The following PTPN3 variants were observed in gnomAD, a reference collection of about 807,000 sequenced individuals.
PTPN3 encodes the protein tyrosine-protein phosphatase non-receptor type 3.
Under a neutral mutation model 132.7 loss-of-function variants are expected in PTPN3, and 96 were observed. The observed-to-expected ratio is 0.72, with a 90% CI of 0.61 to 0.86. The LOEUF (loss-of-function observed/expected upper bound fraction) is 0.86, where lower values mean the gene tolerates loss of function less well. Among genes scored for constraint, PTPN3 ranks in the 40% least tolerant of loss-of-function variants. The pLI is 0.00. For synonymous variants in PTPN3, 398 were observed against 429.0 expected (o/e 0.93, Z 0.89); for missense variants, 1,125 against 1,159.6 (o/e 0.97, Z 0.43).
intron 1 of PTPN3, among the ~76,000 whole-genome samples, chr9:109,469,534 G>A (rs762895371): frequency 1.3e-5 from 2 of 152,102 alleles, no homozygotes; most frequent in African/African-American, 2.4e-5. Flanking sequence ...CAGGAAAATC[G>A]CTCGAACCCG....
chr9:109,525,030 G>A, the PTPN3 span, among the ~76,000 whole-genome samples: 1 of 152,112 alleles, frequency 6.6e-6, no homozygotes, highest in East Asian at 1.9e-4. Context: ...ACAGGTGTGA[G>A]CCACCTTGCC....
the PTPN3 span, among the ~76,000 whole-genome samples, chr9:109,508,061 TGGTTAA>T: frequency 6.6e-6 from 1 of 152,136 alleles, no homozygotes; most frequent in Non-Finnish European, 1.5e-5. Flanking sequence ...GTTGAAATCC[TGGTTAA>T]GGTCCATCTC....
the PTPN3 span, among the ~76,000 whole-genome samples, chr9:109,524,778 C>T: frequency 6.6e-6 from 1 of 152,120 alleles, no homozygotes; most frequent in African/African-American, 2.4e-5. Context: ...CGCTCTGTCG[C>T]CCAGTCTGGA....
intron 22 of PTPN3, among the ~76,000 whole-genome samples, chr9:109,387,904 T>C (rs935768759): frequency 6.6e-6 from 1 of 152,044 alleles, no homozygotes; most frequent in Non-Finnish European, 1.5e-5. Flanking sequence ...AAGAAAAACA[T>C]TTTGGGTGGG....
intron 1 of PTPN3, among the ~76,000 whole-genome samples, chr9:109,494,648 G>A (rs543760244): frequency 8.5e-5 from 13 of 152,214 alleles, no homozygotes; most frequent in Admixed American, 4.6e-4. Flanking sequence ...GATGCCCATC[G>A]GAATGAATGG....
the PTPN3 span, among the ~76,000 whole-genome samples, chr9:109,520,858 T>A: frequency 6.6e-6 from 1 of 152,172 alleles, no homozygotes; most frequent in Non-Finnish European, 1.5e-5. Flanking sequence ...ACAATTTCAA[T>A]TATTTTCTTA....
intron 2 of PTPN3, among the ~76,000 whole-genome samples, chr9:109,462,556 G>T (rs188712153): frequency 1.3e-5 from 2 of 152,224 alleles, no homozygotes; most frequent in African/African-American, 4.8e-5. Context: ...ATCCTGTTAG[G>T]ACTGGCCAGA....
intron 1 of PTPN3, among the ~76,000 whole-genome samples, chr9:109,489,904 G>A (rs1196209920): frequency 1.3e-5 from 2 of 152,042 alleles, no homozygotes; most frequent in African/African-American, 2.4e-5. Context: ...CATCCAGGCC[G>A]GGTGGGGTGG....
intron 22 of PTPN3, among the ~76,000 whole-genome samples, chr9:109,388,945 G>T (rs902877208): frequency 6.6e-6 from 1 of 152,202 alleles, no homozygotes; most frequent in Non-Finnish European, 1.5e-5. Context: ...ACCAGCACTT[G>T]TCCTGAATGG....
At chr9:109,390,375 T>G (rs1358842170) in intron 21 of PTPN3, among the ~76,000 whole-genome samples, 2 of 152,206 alleles carry the variant, frequency 1.3e-5, no homozygotes, top group Non-Finnish European at 2.9e-5. Context: ...CCTTGCAAAC[T>G]AAGAGCGGCT....
intron 1 of PTPN3, among the ~76,000 whole-genome samples, chr9:109,488,935 C>A (rs1000799326): frequency 6.6e-6 from 1 of 152,164 alleles, no homozygotes; most frequent in African/African-American, 2.4e-5. Context: ...TGCTTCCCTG[C>A]CTTTGCCAAA....
chr9:109,456,772 C>T (rs58832856), intron 4 of PTPN3, among the ~76,000 whole-genome samples: 50,083 of 151,806 alleles, frequency 0.33, 9,008 homozygotes, highest in African/African-American at 0.45. Context: ...ACTTATGGTT[C>T]GGTTTTCCGT....
the PTPN3 span, among the ~76,000 whole-genome samples, chr9:109,529,356 G>A: frequency 6.6e-6 from 1 of 152,224 alleles, no homozygotes; most frequent in Non-Finnish European, 1.5e-5. Context: ...CTGGGGCACA[G>A]CAATCTGTGC....
chr9:109,391,930 GAA>G (rs1275387779), intron 19 of PTPN3, among the ~76,000 whole-genome samples: 2 of 144,096 alleles, frequency 1.4e-5, no homozygotes, highest in Non-Finnish European at 3.0e-5. Context: ...AATTAGTCTA[GAA>G]TCATTTCCCT....
chr9:109,451,701 C>T (rs1845257364), intron 5 of PTPN3, among the ~76,000 whole-genome samples: 1 of 152,204 alleles, frequency 6.6e-6, no homozygotes, highest in African/African-American at 2.4e-5. Context: ...GGCTTCTCTT[C>T]CACAGCGTAT....
intron 1 of PTPN3, among the ~76,000 whole-genome samples, chr9:109,477,161 G>A (rs556654321): frequency 6.6e-6 from 1 of 152,170 alleles, no homozygotes; most frequent in Non-Finnish European, 1.5e-5. Context: ...CGAATTACAG[G>A]TGATTCACTG....
intron 25 of PTPN3, 90 bp from the exon 26 acceptor site, chr9:109,379,723 TAA>T: frequency 8.9e-7 from 1 of 1,124,804 alleles, no homozygotes; most frequent in Non-Finnish European, 1.3e-6. Flanking sequence ...GCAGCATTTG[TAA>T]ATATTCCCTG....
the PTPN3 span, among the ~76,000 whole-genome samples, chr9:109,526,161 A>T: frequency 6.6e-6 from 1 of 152,326 alleles, no homozygotes; most frequent in Middle Eastern, 3.4e-3. Context: ...CTAATGAAAG[A>T]TTTCAAAGAC....
rs1164636091 is a variant in PTPN3 at position 109,377,116 on chromosome 9, T to C, written c.*2440A>G. 1 of 152,236 alleles carries C rather than the reference T, an allele frequency of 6.6e-6. No homozygotes were observed. The highest frequency in any genetic ancestry group is 1.5e-5 in the Non-Finnish European group (1 of 68,046). 9.4% of individuals were successfully genotyped at this position (152,236 alleles called of 1,614,324 possible). A position where few individuals can be genotyped will look rare whatever the true frequency, so the allele number is the denominator to read the frequency against. ...ATGATGCATTTTTACCAAACAGTAA[T>C]AACTTGCTAAATATCCTAATGGCAT... On this transcript the variant is annotated 3_prime_UTR_variant, in exon 26 of 26. Transcript: ENST00000374541.
Sources: gnomAD v4.1 joint callset for allele counts (sites outside exome capture counted in the v4.1 genomes callset) on GRCh38, gnomAD v4.1.1 for gene constraint, MANE v1.5 for transcripts, NCBI Gene and HGNC (gene_info 2026-07-23, HGNC 2026-07-21) for gene names.